TRAPPC9: variants seen among roughly 807,000 people sequenced by gnomAD.
TRAPPC9 encodes IKK2 binding protein.
TRAPPC9 carries 83 observed loss-of-function variants against 124.0 expected under a neutral mutation model. The ratio of observed to expected loss-of-function variants is 0.67; its 90% CI spans 0.56 to 0.80. TRAPPC9 has a LOEUF of 0.80. Ranked by LOEUF, TRAPPC9 falls within the 30% of genes least tolerant of loss-of-function variation. TRAPPC9 has a pLI of 0.00. For missense variants in TRAPPC9, 1,302 were observed against 1,508.3 expected (o/e 0.86, Z 2.27); for synonymous variants, 638 against 617.5 (o/e 1.03, Z -0.49).
intron 19 of TRAPPC9, among the ~76,000 whole-genome samples, chr8:139,917,518 T>G (rs1832228759): frequency 6.6e-6 from 1 of 152,106 alleles, no homozygotes; most frequent in Non-Finnish European, 1.5e-5. Context: ...TAAGCTGTAT[T>G]TTGAAAGTCA....
intron 17 of TRAPPC9, chr8:140,096,743 T>C (rs1036430831): frequency 9.9e-5 from 15 of 150,956 alleles, no homozygotes; most frequent in African/African-American, 3.4e-4. Context: ...AGATACTGGG[T>C]AGGTAAGTGG....
chr8:139,773,015 T>C (rs1328891814), intron 21 of TRAPPC9, among the ~76,000 whole-genome samples: 1 of 152,240 alleles, frequency 6.6e-6, no homozygotes, highest in Non-Finnish European at 1.5e-5. Context: ...ACTGTGTTCC[T>C]TTCCAGCCTA....
intron 21 of TRAPPC9, among the ~76,000 whole-genome samples, chr8:139,775,273 G>A (rs559384883): frequency 1.3e-5 from 2 of 152,310 alleles, no homozygotes; most frequent in African/African-American, 2.4e-5. Flanking sequence ...CAGTCACAGG[G>A]TGAGTTCTCT....
At chr8:140,142,824 C>A (rs903943404) in intron 17 of TRAPPC9, among the ~76,000 whole-genome samples, 9 of 152,134 alleles carry the variant, frequency 5.9e-5, no homozygotes, top group Admixed American at 5.2e-4. Flanking sequence ...TGTAAAGAGG[C>A]ATAATGAAAT....
In TRAPPC9 at chr8:139,885,969, G is replaced by T; in HGVS notation, c.2965C>A (p.Pro989Thr). 1 of 1,562,446 alleles carries T rather than the reference G, an allele frequency of 6.4e-7. No individual in the cohort carries two copies. Among genetic ancestry groups the T allele is most frequent in the Non-Finnish European group, 8.7e-7 (1 of 1,152,618 alleles). The change falls in exon 21 of 23, where the codon CCC (proline) becomes ACC (threonine). Residue 989 changes from proline (P) to threonine (T), a missense_variant and splice_region_variant. Physicochemically the swap from Pro to Thr is conservative, Grantham distance 38. Coordinates refer to ENST00000438773, the MANE Select transcript of TRAPPC9 (RefSeq NM_001160372.4). ...GCCTCGCCACTGCGCTTCAGGGAGG[G>T]GTGAGCCTTGGTCAAGGAAAACGCA... is the stretch of plus-strand genomic sequence containing the variant. ...HSKLGICWRI[P>T]SLKRSGEASV...
At chr8:139,968,158 A>AC (rs1554597315) in intron 19 of TRAPPC9, among the ~76,000 whole-genome samples, 4 of 151,432 alleles carry the variant, frequency 2.6e-5, no homozygotes, top group Admixed American at 6.6e-5. Context: ...CAAAAAAAAA[A>AC]CCAAAAAACA....
intron 21 of TRAPPC9, among the ~76,000 whole-genome samples, chr8:139,856,902 C>G (rs894752242): frequency 6.6e-6 from 1 of 152,190 alleles, no homozygotes; most frequent in Admixed American, 6.5e-5. Context: ...ATTCTCTAAG[C>G]TGCTGCTGTG....
chr8:139,999,968 C>T (rs1415824768), intron 18 of TRAPPC9, among the ~76,000 whole-genome samples: 2 of 152,136 alleles, frequency 1.3e-5, no homozygotes, highest in Non-Finnish European at 2.9e-5. Flanking sequence ...AGAACGGCTT[C>T]AAATCAATAA....
chr8:140,090,764 C>T (rs955867010), intron 17 of TRAPPC9, among the ~76,000 whole-genome samples: 2 of 152,244 alleles, frequency 1.3e-5, no homozygotes, highest in African/African-American at 4.8e-5. Context: ...TAATGCCTGG[C>T]TCCGATCTTG....
intron 17 of TRAPPC9, among the ~76,000 whole-genome samples, chr8:140,107,975 G>T (rs1343234895): frequency 6.6e-6 from 1 of 151,914 alleles, no homozygotes; most frequent in East Asian, 1.9e-4. Context: ...GGGGTGTAGG[G>T]GGATGAGACA....
intron 17 of TRAPPC9, among the ~76,000 whole-genome samples, chr8:140,116,117 T>G (rs1246908050): frequency 6.6e-6 from 1 of 151,970 alleles, no homozygotes; most frequent in Non-Finnish European, 1.5e-5. Flanking sequence ...GCACGCAGGA[T>G]ATGAGGGGTC....
At chr8:139,754,681 C>T (rs1028963906) in intron 21 of TRAPPC9, among the ~76,000 whole-genome samples, 1 of 152,242 alleles carries the variant, frequency 6.6e-6, no homozygotes, top group Non-Finnish European at 1.5e-5. Flanking sequence ...TCTGCTTCCT[C>T]CTCTCCTTCC....
rs764674341 is a variant in TRAPPC9, at chr8:140,447,393, G to A, written c.584+3397C>T. On this transcript the variant is annotated intron_variant, in intron 2 of 22. Coordinates refer to ENST00000438773, the MANE Select transcript of TRAPPC9 (RefSeq NM_001160372.4). ...AAGGCTATGAGAAGGCAGCACATAG[G>A]GAAATCTAGCTATTTTTAATGCAAC... Among the ~76,000 whole-genome samples, 42 of 152,102 alleles carry A rather than the reference G, an allele frequency of 2.8e-4. 1 individual carries two copies. The highest frequency in any genetic ancestry group is 2.3e-3 in the South Asian group (11 of 4,822).
intron 19 of TRAPPC9, chr8:139,914,190 G>C (rs921424038): frequency 6.6e-6 from 1 of 152,410 alleles, no homozygotes; most frequent in African/African-American, 2.4e-5. Context: ...GTGGAGAGCA[G>C]AGCTCCCGAT....
chr8:140,117,101 G>A (rs1034356457), intron 17 of TRAPPC9, among the ~76,000 whole-genome samples: 2 of 152,138 alleles, frequency 1.3e-5, no homozygotes, highest in African/African-American at 4.8e-5. Context: ...GGGGTACTGT[G>A]GGAAGAGAAG....
intron 21 of TRAPPC9, among the ~76,000 whole-genome samples, chr8:139,863,155 G>T (rs1019573099): frequency 6.6e-6 from 1 of 152,248 alleles, no homozygotes; most frequent in Non-Finnish European, 1.5e-5. Flanking sequence ...AGTGGCAGAA[G>T]CCAGGAAGGC....
intron 9 of TRAPPC9, among the ~76,000 whole-genome samples, chr8:140,356,763 C>A (rs1039766731): frequency 6.6e-6 from 1 of 152,184 alleles, no homozygotes; most frequent in South Asian, 2.1e-4. Context: ...GCGTGCACCA[C>A]CTCGCCCGGT....
At chr8:139,754,193 C>G (rs1250560562) in intron 21 of TRAPPC9, among the ~76,000 whole-genome samples, 1 of 152,192 alleles carries the variant, frequency 6.6e-6, no homozygotes, top group Non-Finnish European at 1.5e-5. Flanking sequence ...TCCCAAGGAG[C>G]CTGGCCCTCT....
At chr8:139,731,708 C>A (rs1817836000) in intron 22 of TRAPPC9, among the ~76,000 whole-genome samples, 1 of 152,082 alleles carries the variant, frequency 6.6e-6, no homozygotes, top group Non-Finnish European at 1.5e-5. Flanking sequence ...GGAGCAGCCC[C>A]CTGTCCTGGG....
Sources: allele counts gnomAD v4.1 joint callset (sites outside exome capture counted in the v4.1 genomes callset), GRCh38; gene constraint gnomAD v4.1.1; transcripts MANE v1.5; gene names NCBI Gene and HGNC (gene_info 2026-07-23, HGNC 2026-07-21).